The following LTN1 variants were observed in gnomAD, a reference collection of about 807,000 sequenced individuals.
The protein encoded by LTN1 is listerin E3 ubiquitin protein ligase 1.
In LTN1, 88 loss-of-function variants were observed where a neutral mutation model predicts 201.2. The observed-to-expected ratio is 0.44, with a 90% CI of 0.37 to 0.52. LTN1 has a LOEUF of 0.52. Among genes scored for constraint, LTN1 ranks in the 20% least tolerant of loss-of-function variants. The probability of loss-of-function intolerance (pLI) is 0.00; values close to 1 mark genes in which losing one functional copy is unlikely to be tolerated. For missense variants in LTN1, 1,752 were observed against 2,038.7 expected (o/e 0.86, Z 2.71); for synonymous variants, 645 against 713.5 (o/e 0.90, Z 1.53).
chr21:28,941,336 T>C lies in LTN1; in HGVS notation c.4366A>G (p.Ile1456Val). Residue 1456 changes from isoleucine to valine, a missense_variant, in exon 25 of 30, where the codon ATT (isoleucine) becomes GTT (valine). This residue lies in a region of LTN1 where 1,211 missense variants were observed against 1,312.8 expected (regional missense o/e 0.92). Coordinates refer to ENST00000361371, the MANE Select transcript of LTN1 (RefSeq NM_015565.3). ...ATAGTAACTATCTGTCCAACAGGAA[T>C]ACACCCCAAAACATTTTCTAGTAAG... ...EDLLENVLGC[I>V]PVGQIVTIKP... is the part of the protein sequence containing the mutation. The C allele has an allele frequency of 6.2e-7, 1 of 1,613,560 alleles. No individual in the cohort carries two copies. The highest frequency in any genetic ancestry group is 1.7e-5 in the Admixed American group (1 of 59,976).
In LTN1 at chr21:28,966,500, T is replaced by C; in HGVS notation, c.1991A>G (p.Gln664Arg). 6.2e-7 allele frequency: 1 copy of C among 1,614,188 alleles called. No homozygotes were observed. The highest frequency in any genetic ancestry group is 2.2e-5 in the East Asian group (1 of 44,868). ...TTCATTTAGCCAACCTATCAGTTTC[T>C]GGTATAAAAACTGCACCGCAGGATT... Reference protein sequence around the residue: ...QKNPAVQFLYQKLIGWLNEDQ... With the variant: ...QKNPAVQFLYRKLIGWLNEDQ... The change falls in exon 10 of 30, where the codon CAG (glutamine) becomes CGG (arginine). Residue 664 changes from glutamine to arginine, a missense_variant. Transcript: ENST00000361371.
chr21:28,972,876 G>A (rs2146305518), intron 6 of LTN1, among the ~76,000 whole-genome samples: 1 of 152,262 alleles, frequency 6.6e-6, no homozygotes, highest in Middle Eastern at 3.4e-3. Flanking sequence ...ATGCAACTGG[G>A]AAAACACAAG....
At chr21:28,985,218 C>T (rs981600354) in intron 3 of LTN1, among the ~76,000 whole-genome samples, 1 of 152,084 alleles carries the variant, frequency 6.6e-6, no homozygotes, top group Non-Finnish European at 1.5e-5. Context: ...TCAGTACTTT[C>T]GGTGGCCGAG....
rs1162319724 is a variant in LTN1 at position 28,956,809 on chromosome 21, G to A, written c.3032C>T (p.Ala1011Val). 6.2e-7 allele frequency: 1 copy of A among 1,610,078 alleles called. No individual in the cohort carries two copies. The highest frequency in any genetic ancestry group is 8.5e-7 in the Non-Finnish European group (1 of 1,177,796). The change falls in exon 16 of 30, where the codon GCA becomes GTA. Residue 1011 changes from alanine to valine, a missense_variant. Ala to Val is a moderately conservative substitution (Grantham distance 64). Around this residue, in one of 3 missense-constraint regions of LTN1, gnomAD observed 1,211 missense variants for 1,312.8 expected, o/e 0.92. Transcript: ENST00000361371. The part of the protein sequence containing the change: ...SALLSKMVLI[A>V]LRKETVLENN... ...TTCTAAGACTGTTTCCTTTCTCAGTGCAATTAAGACCATTTTGCTCAATAA... is the reference window on the plus strand; with the variant it reads ...TTCTAAGACTGTTTCCTTTCTCAGTACAATTAAGACCATTTTGCTCAATAA...
chr21:28,935,727 C>T (rs913958701), intron 26 of LTN1, among the ~76,000 whole-genome samples: 8 of 151,604 alleles, frequency 5.3e-5, no homozygotes. Context: ...GTAGTCCCAG[C>T]TACTCCGGAG....
chr21:28,947,755 G>A (rs1373348665), intron 18 of LTN1, 149 bp from the exon 19 acceptor site: 1 of 498,786 alleles, frequency 2.0e-6, no homozygotes, highest in East Asian at 3.6e-5. Flanking sequence ...GATTTAACAA[G>A]TGCTGACTTG....
At chr21:28,985,686 G>A (rs1241208123) in intron 3 of LTN1, among the ~76,000 whole-genome samples, 1 of 136,770 alleles carries the variant, frequency 7.3e-6, no homozygotes, top group African/African-American at 2.7e-5. Flanking sequence ...TAAAGACATT[G>A]TCTTGTTCTA....
At chr21:28,935,052 G>A in intron 27 of LTN1, 57 bp downstream of exon 27, 1 of 1,081,592 alleles carries the variant, frequency 9.2e-7, no homozygotes, top group Non-Finnish European at 1.4e-6. Context: ...TATTAACAAT[G>A]ACAGACATAC....
chr21:28,952,295 G>T, intron 17 of LTN1, 31 bp from the exon 18 acceptor site: 2 of 1,301,574 alleles, frequency 1.5e-6, no homozygotes, highest in Non-Finnish European at 2.2e-6. Flanking sequence ...ATTATATTCC[G>T]TTTTGAAAGC....
intron 11 of LTN1, chr21:28,960,944 C>T (rs1199867518): frequency 1.5e-5 from 5 of 339,574 alleles, no homozygotes; most frequent in Admixed American, 4.6e-5. Context: ...CCCCCACCCC[C>T]CCCTTTTTTT....
At chr21:28,992,522 T>C (rs986281931) in intron 1 of LTN1, among the ~76,000 whole-genome samples, 3 of 152,208 alleles carry the variant, frequency 2.0e-5, no homozygotes, top group South Asian at 2.1e-4. Context: ...ATGAATATTA[T>C]GGGTGTGTGC....
At chr21:28,991,314 G>A (rs1395511069) in intron 1 of LTN1, among the ~76,000 whole-genome samples, 1 of 151,170 alleles carries the variant, frequency 6.6e-6, no homozygotes, top group East Asian at 1.9e-4. Context: ...AGAAAAAAGA[G>A]AACATTATTG....
chr21:28,944,063 C>A (rs577584883), intron 22 of LTN1, among the ~76,000 whole-genome samples, 159 bp from the exon 23 acceptor site: 8 of 152,230 alleles, frequency 5.3e-5, no homozygotes, highest in African/African-American at 1.9e-4. Context: ...ATATATATTC[C>A]AGTTAATCTC....
intron 4 of LTN1, among the ~76,000 whole-genome samples, chr21:28,983,041 T>G (rs939953477): frequency 2.6e-5 from 4 of 152,232 alleles, no homozygotes; most frequent in African/African-American, 9.7e-5. Context: ...AGAGTGGGAC[T>G]AGAACCAATG....
intron 1 of LTN1, among the ~76,000 whole-genome samples, chr21:28,991,883 T>C (rs2084749161): frequency 6.6e-6 from 1 of 152,040 alleles, no homozygotes; most frequent in South Asian, 2.1e-4. Context: ...TCTAACACCA[T>C]AAAAAAATAC....
At chr21:28,943,400 A>G (rs1037112557) in intron 23 of LTN1, 64 bp from the exon 24 acceptor site, 42 of 991,212 alleles carry the variant, frequency 4.2e-5, no homozygotes, top group Admixed American at 2.5e-4. Flanking sequence ...CGTGCTCAAG[A>G]GCAGAAAGAC....
Position 28,960,655 on chromosome 21 carries a change from C to A in LTN1, c.2215G>T (p.Asp739Tyr). ...TTGACCAATTTCTCACCAAGGATAT[C>A]GCCTTTGAGCCAAGGAGTTACTAAA... ...HALVTPWLKG[D>Y]ILGEKLVNLA... Residue 739 changes from aspartate to tyrosine, a missense_variant, in exon 12 of 30, where the codon GAT becomes TAT. By Grantham distance (160) the Asp-to-Tyr change is radical (BLOSUM62 -3). Coordinates refer to ENST00000361371, the MANE Select transcript of LTN1 (RefSeq NM_015565.3). The A allele has an allele frequency of 1.2e-6, 2 of 1,614,012 alleles. No homozygotes were observed. The highest frequency in any genetic ancestry group is 1.7e-6 in the Non-Finnish European group (2 of 1,179,930).
In LTN1 at chr21:28,938,682, T is replaced by C. The variant is rs185048133; in HGVS notation, c.4483-1985A>G. Among the ~76,000 whole-genome samples the C allele has an allele frequency of 2.6e-5, 4 of 152,282 alleles. No individual in the cohort carries two copies. In the East Asian group the frequency reaches 5.8e-4, roughly 22 times the overall value. On this transcript the variant is annotated intron_variant, in intron 25 of 29. Coordinates refer to ENST00000361371, the MANE Select transcript of LTN1 (RefSeq NM_015565.3). The stretch of plus-strand genomic sequence containing the variant: ...AGGAAACAACCTAAATGCCCATTAA[T>C]GGATAAACAGATAGATAAACAAAAT...
intron 6 of LTN1, among the ~76,000 whole-genome samples, chr21:28,979,960 G>A (rs112762094): frequency 3.3e-5 from 5 of 152,056 alleles, no homozygotes; most frequent in African/African-American, 9.7e-5. Context: ...TGACAAGAGC[G>A]AAACTCCATC....
Sources: gnomAD v4.1 joint callset for allele counts (sites outside exome capture counted in the v4.1 genomes callset) on GRCh38, gnomAD v4.1.1 for gene constraint, gnomAD v4.1.1 regional missense constraint, MANE v1.5 for transcripts, NCBI Gene and HGNC (gene_info 2026-07-23, HGNC 2026-07-21) for gene names.